GALNT13: variants seen among roughly 807,000 people sequenced by gnomAD.
The protein encoded by GALNT13 is UDP-GalNAc:polypeptide N-acetylgalactosaminyltransferase 13.
In GALNT13, 28 loss-of-function variants were observed where a neutral mutation model predicts 64.2. The observed-to-expected ratio is 0.44, with a 90% CI of 0.32 to 0.60. The LOEUF (loss-of-function observed/expected upper bound fraction) is 0.60. Among genes scored for constraint, GALNT13 ranks in the 20% least tolerant of loss-of-function variants. The pLI is 0.05. For missense variants in GALNT13, 577 were observed against 669.8 expected (o/e 0.86, Z 1.53); for synonymous variants, 214 against 224.6 (o/e 0.95, Z 0.42).
At position 154,366,618 on chromosome 2, in the gene GALNT13, G is replaced by A. The variant is rs539198123; in HGVS notation, c.1157-29373G>A. ...TTTTAACATGTATTATACATGTCAC[G>A]ACTTCTGAGCAGTGTTAATCAGGTG... On this transcript the variant is annotated intron_variant, in intron 9 of 12. Coordinates refer to ENST00000392825, the MANE Select transcript of GALNT13 (RefSeq NM_052917.4). 2.2e-4 allele frequency among the ~76,000 whole-genome samples: 33 copies of A among 152,254 alleles called. No individual in the cohort carries two copies. The South Asian group carries it at 3.5e-3, about 16-fold the overall frequency.
At chr2:154,125,408 A>T (rs570045380) in intron 3 of GALNT13, among the ~76,000 whole-genome samples, 1 of 152,338 alleles carries the variant, frequency 6.6e-6, no homozygotes, top group African/African-American at 2.4e-5. Context: ...GCAGGCAAAT[A>T]GTAGTCAACA....
chr2:154,098,814 G>T (rs1379400394), intron 3 of GALNT13, among the ~76,000 whole-genome samples: 1 of 151,984 alleles, frequency 6.6e-6, no homozygotes, highest in East Asian at 1.9e-4. Context: ...TCTTCATCCA[G>T]TAATCCCTTG....
the GALNT13 span, among the ~76,000 whole-genome samples, chr2:153,746,900 ATTTGCTCAAGGCT>A: frequency 1.3e-5 from 2 of 152,040 alleles, no homozygotes; most frequent in African/African-American, 4.8e-5. Context: ...TGTAAAAAAT[ATTTGCTCAAGGCT>A]TTTGTTCATT....
the GALNT13 span, among the ~76,000 whole-genome samples, chr2:153,467,934 T>A: frequency 2.0e-5 from 3 of 152,104 alleles, no homozygotes; most frequent in Non-Finnish European, 2.9e-5. Context: ...ACTTTTCATT[T>A]ATTAATTGAA....
At chr2:153,712,984 C>A in the GALNT13 span, among the ~76,000 whole-genome samples, 2 of 152,164 alleles carry the variant, frequency 1.3e-5, no homozygotes. Context: ...TGGAGTCCAA[C>A]CAAGTAAGCA....
chr2:154,154,618 G>C (rs1397724296), intron 4 of GALNT13, among the ~76,000 whole-genome samples: 3 of 152,044 alleles, frequency 2.0e-5, no homozygotes, highest in Non-Finnish European at 4.4e-5. Context: ...ACTTGTCCAG[G>C]ACAATGGCCT....
At position 154,391,052 on chromosome 2, in the gene GALNT13, A is replaced by G. The variant is rs182031610; in HGVS notation, c.1157-4939A>G. Among the ~76,000 whole-genome samples the G allele has an allele frequency of 7.2e-5, 11 of 152,234 alleles. No individual in the cohort carries two copies. The East Asian group carries it at 2.1e-3, about 30-fold the overall frequency. On this transcript the variant is annotated intron_variant, in intron 9 of 12. Transcript: ENST00000392825. ...CTTGGCCTCTGCTGTCTATCTTTAG[A>G]TAGTCTTCTCTTTTACGCTCACACT...
At chr2:153,922,342 G>C (rs188349868) in intron 2 of GALNT13, among the ~76,000 whole-genome samples, 1 of 152,140 alleles carries the variant, frequency 6.6e-6, no homozygotes, top group African/African-American at 2.4e-5. Context: ...TATTTACTAT[G>C]CTTTTCAAAA....
the GALNT13 span, among the ~76,000 whole-genome samples, chr2:153,751,360 T>C: frequency 2.6e-5 from 4 of 151,704 alleles, no homozygotes; most frequent in Non-Finnish European, 4.4e-5. Context: ...TCATGTTTTG[T>C]TTTGTTTTTT....
At chr2:153,706,327 T>G in the GALNT13 span, among the ~76,000 whole-genome samples, 11 of 152,150 alleles carry the variant, frequency 7.2e-5, 1 homozygote, top group Admixed American at 5.9e-4. Context: ...GTCAATTATT[T>G]AAGTGTATTT....
At chr2:153,529,760 C>T in the GALNT13 span, among the ~76,000 whole-genome samples, 2 of 152,148 alleles carry the variant, frequency 1.3e-5, no homozygotes, top group African/African-American at 4.8e-5. Context: ...ATATGCAAAT[C>T]AATCAATATG....
intron 1 of GALNT13, among the ~76,000 whole-genome samples, chr2:153,897,895 C>T (rs1574068633): frequency 6.6e-6 from 1 of 152,106 alleles, no homozygotes; most frequent in East Asian, 1.9e-4. Context: ...GACATATTCC[C>T]ATCATTTTAT....
the GALNT13 span, among the ~76,000 whole-genome samples, chr2:153,315,956 TAAGA>T: frequency 2.1e-5 from 1 of 47,724 alleles, no homozygotes; most frequent in Non-Finnish European, 5.2e-5. Context: ...AACTCAGTAA[TAAGA>T]AAAAAGAATC....
At chr2:153,944,272 C>T (rs375465482) in intron 2 of GALNT13, 122 bp from the exon 3 acceptor site, 55 of 392,844 alleles carry the variant, frequency 1.4e-4, no homozygotes, top group African/African-American at 9.3e-4. Flanking sequence ...ATTTTGGATT[C>T]GAAGGCTTGA....
the GALNT13 span, among the ~76,000 whole-genome samples, chr2:153,279,008 T>C: frequency 1.3e-5 from 2 of 152,222 alleles, no homozygotes; most frequent in Non-Finnish European, 2.9e-5. Context: ...ATTTACCATT[T>C]GCTTGAGTCA....
At chr2:154,174,388 TAGTC>T (rs1443262035) in intron 4 of GALNT13, among the ~76,000 whole-genome samples, 3 of 152,140 alleles carry the variant, frequency 2.0e-5, no homozygotes, top group Admixed American at 6.6e-5. Flanking sequence ...CTGATCTGTA[TAGTC>T]AAAGACTCTA....
intron 3 of GALNT13, among the ~76,000 whole-genome samples, chr2:153,976,611 G>A (rs917770265): frequency 6.6e-6 from 1 of 151,974 alleles, no homozygotes; most frequent in African/African-American, 2.4e-5. Context: ...TAAAACATTT[G>A]GAACCAATAA....
chr2:153,888,556 C>T (rs1687343112), intron 1 of GALNT13, among the ~76,000 whole-genome samples: 2 of 151,914 alleles, frequency 1.3e-5, no homozygotes, highest in Admixed American at 1.3e-4. Flanking sequence ...ATTTGCATTT[C>T]CTTAGTGCTC....
chr2:153,116,794 C>A, the GALNT13 span, among the ~76,000 whole-genome samples: 4 of 82,466 alleles, frequency 4.9e-5, no homozygotes, highest in Non-Finnish European at 8.9e-5. Flanking sequence ...GTGTTGTCTT[C>A]TTTTTTTTTT....
Sources: gnomAD v4.1 joint callset for allele counts (sites outside exome capture counted in the v4.1 genomes callset) on GRCh38, gnomAD v4.1.1 for gene constraint, MANE v1.5 for transcripts, NCBI Gene and HGNC (gene_info 2026-07-23, HGNC 2026-07-21) for gene names.